PTGER3: variants seen among roughly 807,000 people sequenced by gnomAD.
PTGER3 encodes prostaglandin E2 receptor EP3 subtype.
In PTGER3, 22 loss-of-function variants were observed where a neutral mutation model predicts 34.7. That is an observed-to-expected ratio of 0.63 (90% CI 0.45 to 0.91). PTGER3 has a LOEUF of 0.91. Ranked by LOEUF, PTGER3 falls within the 40% of genes least tolerant of loss-of-function variation. The pLI, the probability that PTGER3 is intolerant of heterozygous loss-of-function variation, is 0.00. For missense variants in PTGER3, 468 were observed against 519.4 expected (o/e 0.90, Z 0.96); for synonymous variants, 241 against 230.1 (o/e 1.05, Z -0.43).
chr1:71,036,141 G>A (rs1368446260), intron 1 of PTGER3, among the ~76,000 whole-genome samples: 1 of 152,182 alleles, frequency 6.6e-6, no homozygotes, highest in Non-Finnish European at 1.5e-5. Flanking sequence ...TTACACAGGG[G>A]AAATTGTGTG....
chr1:70,939,909 C>T (rs574187179), intron 4 of PTGER3, among the ~76,000 whole-genome samples: 1 of 152,326 alleles, frequency 6.6e-6, no homozygotes, highest in South Asian at 2.1e-4. Context: ...CGGCTCCTTG[C>T]TACTTATGCA....
intron 4 of PTGER3, among the ~76,000 whole-genome samples, chr1:70,898,255 C>A (rs2100320423): frequency 6.6e-6 from 1 of 152,308 alleles, no homozygotes; most frequent in Non-Finnish European, 1.5e-5. Flanking sequence ...GAGCAACACA[C>A]ACTGATGTCC....
At position 70,971,752 on chromosome 1, in the gene PTGER3, A is replaced by C; in HGVS notation, c.1170-19T>G. 1 of 1,504,462 alleles carries C rather than the reference A, an allele frequency of 6.6e-7. No homozygotes were observed. The highest frequency in any genetic ancestry group is 9.1e-7 in the Non-Finnish European group (1 of 1,104,060). The allele number at this position is 1,504,462 out of a possible 1,614,324, so 93.2% of individuals were successfully genotyped here. The stretch of plus-strand genomic sequence containing the variant: ...TCATTATCTGTTAGAATAGAGAGAG[A>C]AAGATGCAATAAGCATGGATGGGGA... On this transcript the variant is annotated intron_variant, in intron 3 of 3. Coordinates refer to ENST00000306666, the MANE Select transcript of PTGER3 (RefSeq NM_198719.2).
At chr1:70,972,712 G>A (rs1653216971) in intron 3 of PTGER3, among the ~76,000 whole-genome samples, 1 of 151,904 alleles carries the variant, frequency 6.6e-6, no homozygotes, top group Non-Finnish European at 1.5e-5. Context: ...CAAAGAATTT[G>A]CAAATGGTCT....
At chr1:70,908,837 C>T (rs56955343) in intron 4 of PTGER3, among the ~76,000 whole-genome samples, 4,385 of 152,266 alleles carry the variant, frequency 0.029, 233 homozygotes, top group African/African-American at 0.1. Flanking sequence ...CATTAAAGCT[C>T]TTTTTCATGT....
intron 2 of PTGER3, chr1:71,008,342 G>A (rs1572916764): frequency 1.2e-6 from 1 of 864,742 alleles, no homozygotes; most frequent in African/African-American, 1.8e-5. Context: ...TATTTCTAGA[G>A]AATCATAATG....
At chr1:70,982,069 A>T (rs772342362) in intron 2 of PTGER3, among the ~76,000 whole-genome samples, 2 of 152,132 alleles carry the variant, frequency 1.3e-5, no homozygotes, top group Non-Finnish European at 2.9e-5. Context: ...GCATCTGAAG[A>T]GTACAAAACT....
At chr1:70,992,373 C>A (rs1207242035) in intron 2 of PTGER3, among the ~76,000 whole-genome samples, 1 of 152,146 alleles carries the variant, frequency 6.6e-6, no homozygotes, top group East Asian at 1.9e-4. Flanking sequence ...GGAAGCAGAG[C>A]GATTTCTTTA....
downstream of PTGER3, among the ~76,000 whole-genome samples, chr1:70,948,460 T>A (rs1209251581): frequency 6.6e-6 from 1 of 152,166 alleles, no homozygotes; most frequent in African/African-American, 2.4e-5. Context: ...GTGAGTCAAT[T>A]AAACCTCTTT....
intron 4 of PTGER3, among the ~76,000 whole-genome samples, chr1:70,868,964 A>T (rs1173854502): frequency 6.6e-6 from 1 of 152,018 alleles, no homozygotes; most frequent in Non-Finnish European, 1.5e-5. Context: ...GGTTCCCAGA[A>T]GCTGGTTCCC....
chr1:70,976,887 C>T (rs1033669910), intron 2 of PTGER3, among the ~76,000 whole-genome samples: 2 of 152,094 alleles, frequency 1.3e-5, no homozygotes, highest in Non-Finnish European at 2.9e-5. Flanking sequence ...TAGGATCTTC[C>T]CGTCTGAAAT....
At chr1:70,892,837 C>CAAAA (rs1176220550) in intron 4 of PTGER3, among the ~76,000 whole-genome samples, 4 of 47,794 alleles carry the variant, frequency 8.4e-5, no homozygotes, top group African/African-American at 6.1e-5. Context: ...CAAGACTCCT[C>CAAAA]AAAAAAAAAA....
In PTGER3 at chr1:71,012,949, T is replaced by G. The variant is rs1449742518; in HGVS notation, c.898-465A>C. Among the ~76,000 whole-genome samples the G allele has an allele frequency of 4.2e-5, 6 of 144,150 alleles. No individual in the cohort carries two copies. In the South Asian group the frequency reaches 9.0e-4, roughly 22 times the overall value. 94.6% of individuals were successfully genotyped at this position (144,150 alleles called of 152,430 possible). A position where few individuals can be genotyped will look rare whatever the true frequency, so the allele number is the denominator to read the frequency against. Reference sequence around the variant, plus strand: ...AATATTATTATTATTATTATTATTATTGCCACTAGCATTTTCAGAATCCTT... The same window carrying G: ...AATATTATTATTATTATTATTATTAGTGCCACTAGCATTTTCAGAATCCTT... On this transcript the variant is annotated intron_variant, in intron 1 of 3. Transcript: ENST00000306666.
intron 1 of PTGER3, among the ~76,000 whole-genome samples, chr1:71,028,318 T>C (rs1306016552): frequency 3.3e-5 from 5 of 152,150 alleles, no homozygotes; most frequent in Non-Finnish European, 5.9e-5. Flanking sequence ...CAGCTACCAC[T>C]TGCGGGGAAC....
chr1:70,909,121 A>T (rs1213667834), intron 4 of PTGER3, among the ~76,000 whole-genome samples: 1 of 152,212 alleles, frequency 6.6e-6, no homozygotes, highest in Non-Finnish European at 1.5e-5. Context: ...AAATTATGGG[A>T]TGTCATATAA....
chr1:70,878,661 A>T (rs530562965), intron 4 of PTGER3, among the ~76,000 whole-genome samples: 2 of 152,148 alleles, frequency 1.3e-5, no homozygotes, highest in Non-Finnish European at 2.9e-5. Context: ...AGATTCTGGT[A>T]TATTGTATCT....
intron 4 of PTGER3, among the ~76,000 whole-genome samples, chr1:70,908,212 G>A (rs558056394): frequency 2.0e-5 from 3 of 152,186 alleles, no homozygotes; most frequent in Admixed American, 1.3e-4. Context: ...AACAAAGATT[G>A]TAGAGAATTC....
intron 4 of PTGER3, among the ~76,000 whole-genome samples, chr1:70,945,967 C>T (rs997481788): frequency 6.6e-6 from 1 of 152,032 alleles, no homozygotes; most frequent in African/African-American, 2.4e-5. Context: ...AAGTGCACAG[C>T]TAACATTGGA....
Position 70,932,115 on chromosome 1 carries a change from G to A in PTGER3, c.*23+21648C>T, listed in dbSNP as rs952566331. 3.3e-5 allele frequency among the ~76,000 whole-genome samples: 5 copies of A among 152,174 alleles called. No individual in the cohort carries two copies. The South Asian group carries it at 8.3e-4, about 25-fold the overall frequency. On this transcript the variant is annotated intron_variant, in intron 4 of 4. Coordinates refer to the PTGER3 transcript ENST00000370931. ...AGTTCAAAGTTCCACAAATCTCTAG[G>A]GCAGGGGAAAAATCCCACCAGTTTC... is the stretch of plus-strand genomic sequence containing the variant.
Sources: gnomAD v4.1 joint callset for allele counts (sites outside exome capture counted in the v4.1 genomes callset) on GRCh38, gnomAD v4.1.1 for gene constraint, MANE v1.5 for transcripts, NCBI Gene and HGNC (gene_info 2026-07-23, HGNC 2026-07-21) for gene names.